The following ANKRD31 variants were observed in gnomAD, a reference collection of about 807,000 sequenced individuals.
ANKRD31 encodes ankyrin repeat domain-containing protein 31.
Under a neutral mutation model 186.0 loss-of-function variants are expected in ANKRD31, and 147 were observed. The observed-to-expected ratio is 0.79, with a 90% confidence interval of 0.69 to 0.91. The LOEUF (loss-of-function observed/expected upper bound fraction) is 0.91. Among genes scored for constraint, ANKRD31 ranks in the 40% least tolerant of loss-of-function variants. The probability of loss-of-function intolerance (pLI) is 0.00; values close to 1 mark genes in which losing one functional copy is unlikely to be tolerated. For missense variants in ANKRD31, 1,986 were observed against 2,148.8 expected (o/e 0.92, Z 1.50); for synonymous variants, 673 against 736.4 (o/e 0.91, Z 1.39).
intron 11 of ANKRD31, among the ~76,000 whole-genome samples, chr5:75,156,957 T>C (rs1418364175): frequency 3.9e-5 from 6 of 152,198 alleles, no homozygotes; most frequent in Non-Finnish European, 8.8e-5. Context: ...ATAGGAAACC[T>C]ATACAGATTT....
chr5:75,173,655 G>C (rs1037222076), intron 10 of ANKRD31, among the ~76,000 whole-genome samples: 5 of 152,014 alleles, frequency 3.3e-5, no homozygotes, highest in African/African-American at 7.2e-5. Flanking sequence ...GAATAAAATA[G>C]CTAGGAATCC....
chr5:75,165,079 G>C lies in ANKRD31; in HGVS notation c.1707+3900C>G, dbSNP rs545202629. The stretch of plus-strand genomic sequence containing the variant: ...TTTATAGCTTTTACAATTAGATTGT[G>C]TCCTTTGTTGTGATTCAATGTCTTA... On this transcript the variant is annotated intron_variant, in intron 11 of 25. Transcript: ENST00000506364. Among the ~76,000 whole-genome samples, 175 of 152,226 alleles carry C rather than the reference G, an allele frequency of 1.1e-3. 1 individual carries two copies. Among genetic ancestry groups the C allele is most frequent in the Non-Finnish European group, 1.7e-3 (113 of 68,012 alleles).
intron 11 of ANKRD31, among the ~76,000 whole-genome samples, chr5:75,161,873 A>C (rs1430239135): frequency 6.6e-6 from 1 of 152,216 alleles, no homozygotes; most frequent in East Asian, 1.9e-4. Flanking sequence ...TTGAGCCTGC[A>C]AGTACACAGA....
chr5:75,217,076 G>A (rs1757003148), intron 3 of ANKRD31, among the ~76,000 whole-genome samples: 1 of 152,160 alleles, frequency 6.6e-6, no homozygotes, highest in Non-Finnish European at 1.5e-5. Flanking sequence ...TTATTGAGCT[G>A]TGGTCCAAGA....
At chr5:75,207,416 G>A (rs1391094110) in intron 4 of ANKRD31, among the ~76,000 whole-genome samples, 2 of 152,044 alleles carry the variant, frequency 1.3e-5, no homozygotes. Context: ...AATTGCAAGA[G>A]TATTTAAGAC....
At chr5:75,110,438 G>A (rs1242412037) in intron 20 of ANKRD31, among the ~76,000 whole-genome samples, 3 of 151,868 alleles carry the variant, frequency 2.0e-5, no homozygotes, top group Admixed American at 6.6e-5. Flanking sequence ...TGGGCCAGGC[G>A]CAGTGGCTCA....
intron 12 of ANKRD31, among the ~76,000 whole-genome samples, chr5:75,153,926 G>T (rs567793603): frequency 6.6e-6 from 1 of 152,140 alleles, no homozygotes; most frequent in East Asian, 1.9e-4. Context: ...TTAGTCAAAG[G>T]ATTTTGGGGA....
chr5:75,137,440 A>T lies in ANKRD31; in HGVS notation c.3876+416T>A, dbSNP rs574052965. On this transcript the variant is annotated intron_variant, in intron 17 of 25. Transcript: ENST00000506364. ...AACAAAAGAGAAAAAGATGCAACAA[A>T]CACCCGGAAAACAAATGATTCCTGT... Among the ~76,000 whole-genome samples the T allele has an allele frequency of 1.6e-4, 24 of 152,290 alleles. No individual in the cohort carries two copies. The East Asian group carries it at 2.3e-3, about 15-fold the overall frequency.
rs141824734 is a variant in ANKRD31 at position 75,073,165 on chromosome 5, C to T, written c.5648-4501G>A. Among the ~76,000 whole-genome samples the T allele has an allele frequency of 4.6e-3, 703 of 152,232 alleles. 4 individuals carry two copies. The highest frequency in any genetic ancestry group is 0.016 in the African/African-American group (677 of 41,540). On this transcript the variant is annotated intron_variant, in intron 25 of 25. Transcript: ENST00000506364. ...TTACAGGCCTAGCCAAGTGCAGTGG[C>T]TCAAGCCTATAATCCAAGCTACTTG...
chr5:75,147,472 G>A lies in ANKRD31; in HGVS notation c.1939C>T (p.His647Tyr). 1 of 1,473,226 alleles carries A rather than the reference G, an allele frequency of 6.8e-7. No homozygotes were observed. The highest frequency in any genetic ancestry group is 8.9e-7 in the Non-Finnish European group (1 of 1,123,120). 91.3% of individuals were successfully genotyped at this position (1,473,226 alleles called of 1,614,324 possible). The change falls in exon 14 of 26, where the codon CAT becomes TAT. Residue 647 changes from histidine to tyrosine, a missense_variant. His to Tyr is a moderately conservative substitution (Grantham distance 83). Coordinates refer to ENST00000506364, the MANE Select transcript of ANKRD31 (RefSeq NM_001372053.1). ...CTGTTGGAATTTTCATTATAAACAT[G>A]CCAAATGTGACTTTTAGAACTGAAC... ...PKFSSKSHIWHVYNENSNRQK... is the reference protein window; with the variant it reads ...PKFSSKSHIWYVYNENSNRQK...
chr5:75,099,021 G>A (rs972188359), intron 22 of ANKRD31, among the ~76,000 whole-genome samples: 40 of 152,250 alleles, frequency 2.6e-4, no homozygotes, highest in African/African-American at 9.6e-4. Context: ...TTTTCAAAGG[G>A]AATGCTTCCA....
intron 10 of ANKRD31, among the ~76,000 whole-genome samples, chr5:75,177,847 A>G (rs892155973): frequency 1.3e-5 from 2 of 152,200 alleles, no homozygotes; most frequent in Non-Finnish European, 2.9e-5. Flanking sequence ...ATAACCAGCT[A>G]ACATCATAAT....
rs377019594 is a variant in ANKRD31 at position 75,204,945 on chromosome 5, C to T, written c.403+1466G>A. Among the ~76,000 whole-genome samples, 16 of 152,348 alleles carry T rather than the reference C, an allele frequency of 1.1e-4. No individual in the cohort carries two copies. In the East Asian group the frequency reaches 2.5e-3, roughly 24 times the overall value. ...TCTGTCACCCGGGCTGGAAACATGGCTCATGCAGCCTGAACCTCCTGGGCT... is the reference window on the plus strand; with the variant it reads ...TCTGTCACCCGGGCTGGAAACATGGTTCATGCAGCCTGAACCTCCTGGGCT... On this transcript the variant is annotated intron_variant, in intron 5 of 25. Coordinates refer to ENST00000506364, the MANE Select transcript of ANKRD31 (RefSeq NM_001372053.1).
At position 75,161,971 on chromosome 5, in the gene ANKRD31, G is replaced by C. The variant is rs187642587; in HGVS notation, c.1707+7008C>G. Among the ~76,000 whole-genome samples, 256 of 152,356 alleles carry C rather than the reference G, an allele frequency of 1.7e-3. 2 individuals are homozygous for C. Among genetic ancestry groups the C allele is most frequent in the Middle Eastern group, 0.01 (3 of 294 alleles). On this transcript the variant is annotated intron_variant, in intron 11 of 25. Transcript: ENST00000506364. ...ATGCTCAGGCAAAAGTTTGCTGCAA[G>C]GGCAGGGCCCTCATGGAGAACCTCT...
intron 21 of ANKRD31, 29 bp downstream of exon 21, chr5:75,107,492 G>A (rs1384004707): frequency 1.4e-6 from 2 of 1,393,308 alleles, no homozygotes; most frequent in East Asian, 5.0e-5. Flanking sequence ...AAACTCAAAA[G>A]CACTCTTTTT....
At chr5:75,194,064 A>G (rs1755295284) in intron 7 of ANKRD31, among the ~76,000 whole-genome samples, 1 of 152,208 alleles carries the variant, frequency 6.6e-6, no homozygotes, top group African/African-American at 2.4e-5. Flanking sequence ...TTAACAGTGT[A>G]TCAGGAATTG....
At chr5:75,109,012 A>G (rs1028410720) in intron 20 of ANKRD31, among the ~76,000 whole-genome samples, 2 of 152,192 alleles carry the variant, frequency 1.3e-5, no homozygotes, top group Non-Finnish European at 2.9e-5. Flanking sequence ...TCTTTATCAA[A>G]GATGATATTA....
At chr5:75,199,780 T>C (rs1755697032) in intron 5 of ANKRD31, 106 bp from the exon 6 acceptor site, 1 of 548,780 alleles carries the variant, frequency 1.8e-6, no homozygotes, top group Non-Finnish European at 2.9e-6. Context: ...CTCAGTCAAG[T>C]GACACATCAT....
rs1480341575 is a variant in ANKRD31, at chr5:75,105,147, C to G, written c.4412G>C (p.Ser1471Thr). 1 of 1,536,538 alleles carries G rather than the reference C, an allele frequency of 6.5e-7. No individual in the cohort carries two copies. The highest frequency in any genetic ancestry group is 1.4e-5 in the African/African-American group (1 of 72,942). ...CTGTTTTTTTGCCACAACTAAAAGGCTCTTCTGTCTTGCAGCCAAGTTGGC... is the reference window on the plus strand; with the variant it reads ...CTGTTTTTTTGCCACAACTAAAAGGGTCTTCTGTCTTGCAGCCAAGTTGGC... ...QLANLAARQK[S>T]LLVVAKKQKK... Residue 1471 changes from serine to threonine, a missense_variant, in exon 22 of 26, where the codon AGC becomes ACC. Physicochemically the swap from Ser to Thr is moderately conservative, Grantham distance 58. Transcript: ENST00000506364.
Sources: gnomAD v4.1 joint callset for allele counts (sites outside exome capture counted in the v4.1 genomes callset) on GRCh38, gnomAD v4.1.1 for gene constraint, MANE v1.5 for transcripts, NCBI Gene and HGNC (gene_info 2026-07-23, HGNC 2026-07-21) for gene names.